TGM4: variants seen among roughly 807,000 people sequenced by gnomAD.
The protein encoded by TGM4 is transglutaminase 4, also known as protein-glutamine gamma-glutamyltransferase 4.
TGM4 carries 61 observed loss-of-function variants against 76.3 expected under a neutral mutation model. That is an observed-to-expected ratio of 0.80 (90% CI 0.65 to 0.99). TGM4 has a LOEUF of 0.99. Ranked by LOEUF, TGM4 falls within the 50% of genes least tolerant of loss-of-function variation. The pLI is 0.00. For missense variants in TGM4, 794 were observed against 843.2 expected, an observed-to-expected ratio of 0.94 and a Z score of 0.72; for synonymous variants, 337 against 329.8, an observed-to-expected ratio of 1.02 and a Z score of -0.24.
At position 44,887,702 on chromosome 3, in the gene TGM4, C is replaced by T; in HGVS notation, c.207C>T (p.Ser69=). Residue 69 remains serine, a synonymous_variant, in exon 3 of 14, where the codon AGC becomes AGT. Coordinates refer to ENST00000296125, the MANE Select transcript of TGM4 (RefSeq NM_003241.4). ...KLEFSTGPNP[S]IAKHTLVVLD... ...GGGTGTCTCCAGGGCCGAATCCTAG[C>T]ATCGCCAAACACACCCTGGTGGTGC... is the stretch of plus-strand genomic sequence containing the variant. The T allele has an allele frequency of 6.2e-7, 1 of 1,613,962 alleles. No individual in the cohort carries two copies. Among genetic ancestry groups the T allele is most frequent in the South Asian group, 1.1e-5 (1 of 91,066 alleles).
At chr3:44,874,818 G>A in intron 1 of TGM4, 121 bp downstream of exon 1, 2 of 1,158,078 alleles carry the variant, frequency 1.7e-6, no homozygotes, top group Non-Finnish European at 2.5e-6. Flanking sequence ...TTGTGGCCCT[G>A]GTGCTGCTTG....
chr3:44,883,984 G>A (rs1251364183), intron 1 of TGM4, among the ~76,000 whole-genome samples: 2 of 152,134 alleles, frequency 1.3e-5, no homozygotes, highest in African/African-American at 4.8e-5. Context: ...GCCACAGCGG[G>A]GCTTCCTAAT....
chr3:44,882,960 A>G (rs187250139), intron 1 of TGM4, among the ~76,000 whole-genome samples: 21 of 152,344 alleles, frequency 1.4e-4, no homozygotes, highest in Admixed American at 1.2e-3. Context: ...AGAAGCTTCC[A>G]CAGAGATGAC....
rs142771676 is a variant in TGM4, at chr3:44,911,378, A to G, written c.1885A>G (p.Ile629Val). 6.8e-6 allele frequency: 11 copies of G among 1,614,130 alleles called. No individual in the cohort carries two copies. In the African/African-American group the frequency reaches 1.5e-4, roughly 22 times the overall value. Residue 629 changes from isoleucine (I) to valine (V), a missense_variant, in exon 13 of 14, where the codon ATC (isoleucine) becomes GTC (valine). Transcript: ENST00000296125. ...CAAGTTCTCTTTGGAAAGCCTGGGC[A>G]TCTCCTCACTACAGACCTCTGACCA... ...DVKFSLESLG[I>V]SSLQTSDHGT...
intron 3 of TGM4, 197 bp from the exon 4 acceptor site, chr3:44,890,406 G>C: frequency 4.6e-6 from 3 of 653,000 alleles, no homozygotes; most frequent in Non-Finnish European, 2.6e-6. Flanking sequence ...ATGCTGTATG[G>C]AGCTGCTTTT....
chr3:44,903,252 G>T lies in TGM4; in HGVS notation c.972-632G>T, dbSNP rs190263871. 2.1e-3 allele frequency among the ~76,000 whole-genome samples: 318 copies of T among 152,274 alleles called. 1 individual carries two copies. The highest frequency in any genetic ancestry group is 7.3e-3 in the African/African-American group (305 of 41,544). ...GTGTGTATGGATTTGGGTATACTCA[G>T]GGGTCCTGGAACCAATACCCTGTGG... On this transcript the variant is annotated intron_variant, in intron 8 of 13. Transcript: ENST00000296125.
In TGM4 at chr3:44,901,551, C is replaced by T. The variant is rs1019608729; in HGVS notation, c.685C>T (p.Leu229Phe). Residue 229 changes from leucine (L) to phenylalanine (F), a missense_variant, in exon 7 of 14, where the codon CTC becomes TTC. Coordinates refer to ENST00000296125, the MANE Select transcript of TGM4 (RefSeq NM_003241.4). ...MMSFEKGQGV[L>F]IGNWTGDYEG... The stretch of plus-strand genomic sequence containing the variant: ...GAGCTTTGAGAAAGGCCAGGGCGTG[C>T]TCATTGGGAATTGGACTGGGGACTA... 1.2e-6 allele frequency: 2 copies of T among 1,612,698 alleles called. No homozygotes were observed. The highest frequency in any genetic ancestry group is 1.3e-5 in the African/African-American group (1 of 75,040).
At position 44,910,052 on chromosome 3, in the gene TGM4, G is replaced by A. The variant is rs762187066; in HGVS notation, c.1328-38G>A. On this transcript the variant is annotated intron_variant, in intron 10 of 13. Transcript: ENST00000296125. ...GTGGTTGGGACATTTGGTCCTTGAAGGAGCACCTGAAGGAAGCTGCCTTTG... is the reference window on the plus strand; with the variant it reads ...GTGGTTGGGACATTTGGTCCTTGAAAGAGCACCTGAAGGAAGCTGCCTTTG... 1.9e-6 allele frequency: 3 copies of A among 1,594,054 alleles called. No homozygotes were observed. In the South Asian group the frequency reaches 3.4e-5, roughly 18 times the overall value.
intron 1 of TGM4, among the ~76,000 whole-genome samples, chr3:44,884,082 C>T (rs1028831660): frequency 6.6e-6 from 1 of 152,198 alleles, no homozygotes. Flanking sequence ...AGCCACACCC[C>T]AGATGTGCTG....
chr3:44,906,855 C>T (rs890380135), intron 9 of TGM4, 94 bp from the exon 10 acceptor site: 37 of 1,553,132 alleles, frequency 2.4e-5, no homozygotes, highest in Non-Finnish European at 3.1e-5. Context: ...GCTTGCCAGT[C>T]CTGTTTGAGT....
At position 44,910,261 on chromosome 3, in the gene TGM4, C is replaced by T; in HGVS notation, c.1499C>T (p.Ala500Val). 6.2e-7 allele frequency: 1 copy of T among 1,614,178 alleles called. No individual in the cohort carries two copies. ...FTVILKRKTA[A>V]LQNVNILGSF... The stretch of plus-strand genomic sequence containing the variant: ...GTGATTCTTAAAAGGAAGACCGCTG[C>T]CCTACAGAATGTCAACATCTTGGGC... Residue 500 changes from alanine to valine, a missense_variant, in exon 11 of 14, where the codon GCC becomes GTC. Ala to Val is a moderately conservative substitution (Grantham distance 64). Transcript: ENST00000296125.
rs1174163229 is a variant in TGM4, at chr3:44,887,683, C to T, written c.194-6C>T. 1.2e-6 allele frequency: 2 copies of T among 1,613,368 alleles called. No individual in the cohort carries two copies. The highest frequency in any genetic ancestry group is 1.7e-6 in the Non-Finnish European group (2 of 1,179,596). On this transcript the variant is annotated splice_region_variant and splice_polypyrimidine_tract_variant and intron_variant, in intron 2 of 13. Coordinates refer to ENST00000296125, the MANE Select transcript of TGM4 (RefSeq NM_003241.4). ...TGGGCCAATGTTTTCCTTTGGGTGT[C>T]TCCAGGGCCGAATCCTAGCATCGCC...
chr3:44,894,036 CTCTCTCCCCACCAT>C (rs1699743717), intron 5 of TGM4, among the ~76,000 whole-genome samples: 2 of 74,792 alleles, frequency 2.7e-5, no homozygotes, highest in Non-Finnish European at 5.4e-5. Flanking sequence ...CCCCCCTTGA[CTCTCTCCCCACCAT>C]GGCTCTCTTC....
At position 44,907,118 on chromosome 3, in the gene TGM4, A is replaced by C. The variant is rs944323059; in HGVS notation, c.1245A>C (p.Thr415=). The C allele has an allele frequency of 6.2e-7, 1 of 1,614,158 alleles. No homozygotes were observed. Among genetic ancestry groups the C allele is most frequent in the Non-Finnish European group, 8.5e-7 (1 of 1,180,042 alleles). ...EELHVISMET[T]SIGKNISTKA... ...TACACGTAATTTCAATGGAGACCAC[A>C]AGCATCGGGAAAAACATCAGCACCA... The change falls in exon 10 of 14, where the codon ACA becomes ACC. Residue 415 remains threonine (T), a synonymous_variant. Coordinates refer to ENST00000296125, the MANE Select transcript of TGM4 (RefSeq NM_003241.4).
Position 44,910,701 on chromosome 3 carries a change from G to C in TGM4, c.1607-257G>C, listed in dbSNP as rs370121193. Among the ~76,000 whole-genome samples the C allele has an allele frequency of 2.6e-5, 4 of 152,212 alleles. No homozygotes were observed. In the East Asian group the frequency reaches 5.8e-4, roughly 22 times the overall value. On this transcript the variant is annotated intron_variant, in intron 11 of 13. Transcript: ENST00000296125. ...AATGATTATGAGTACCCAAGGCACA[G>C]TGTTGGGAACAAGTGGGATGTCCTG...
intron 9 of TGM4, among the ~76,000 whole-genome samples, chr3:44,904,961 C>T (rs1251817050): frequency 6.6e-6 from 1 of 151,412 alleles, no homozygotes; most frequent in Non-Finnish European, 1.5e-5. Flanking sequence ...GGATTACAGG[C>T]ATGAGCCACT....
intron 6 of TGM4, among the ~76,000 whole-genome samples, chr3:44,900,600 T>C (rs1426744367): frequency 6.6e-6 from 1 of 152,198 alleles, no homozygotes; most frequent in Non-Finnish European, 1.5e-5. Context: ...ACTGTGCTTT[T>C]CACAAGGCAT....
chr3:44,893,969 C>G (rs565315870), intron 5 of TGM4, among the ~76,000 whole-genome samples: 1 of 122,320 alleles, frequency 8.2e-6, no homozygotes, highest in African/African-American at 3.1e-5. Flanking sequence ...TCTCCTACCC[C>G]CCATGGCTCT....
At position 44,914,645 on chromosome 3, in the gene TGM4, C is replaced by T. The variant is rs1357174370; in HGVS notation, c.*920C>T. On this transcript the variant is annotated 3_prime_UTR_variant, in exon 14 of 14. Coordinates refer to ENST00000296125, the MANE Select transcript of TGM4 (RefSeq NM_003241.4). ...CTTTTTTCTTTATGCCAATAAGCTT[C>T]TTAAATGTGCTGGCGGTTTATGCAG... 1 of 152,202 alleles carries T rather than the reference C, an allele frequency of 6.6e-6. No individual in the cohort carries two copies. The highest frequency in any genetic ancestry group is 2.4e-5 in the African/African-American group (1 of 41,432). The allele number at this position is 152,202 out of a possible 1,614,324, so 9.4% of individuals were successfully genotyped here.
Sources: allele counts gnomAD v4.1 joint callset (sites outside exome capture counted in the v4.1 genomes callset), GRCh38; gene constraint gnomAD v4.1.1; transcripts MANE v1.5; gene names NCBI Gene and HGNC (gene_info 2026-07-23, HGNC 2026-07-21).